The following MYO6 variants were observed in gnomAD, a reference collection of about 807,000 sequenced individuals.
The protein encoded by MYO6 is unconventional myosin-VI.
MYO6 carries 74 observed loss-of-function variants against 178.7 expected under a neutral mutation model. That is an observed-to-expected ratio of 0.41 (90% CI 0.34 to 0.50). The LOEUF is 0.50. Among genes scored for constraint, MYO6 ranks in the 20% least tolerant of loss-of-function variants. The pLI, the probability that MYO6 is intolerant of heterozygous loss-of-function variation, is 0.09. For synonymous variants in MYO6, 477 were observed against 504.6 expected (o/e 0.95, Z 0.73); for missense variants, 1,330 against 1,547.4 (o/e 0.86, Z 2.36).
intron 1 of MYO6, among the ~76,000 whole-genome samples, chr6:75,808,184 A>C (rs1770294031): frequency 6.6e-6 from 1 of 152,256 alleles, no homozygotes; most frequent in South Asian, 2.1e-4. Flanking sequence ...CTGCCGTAAT[A>C]AAATACCACA....
chr6:75,830,370 G>T (rs1197056123), intron 4 of MYO6, 46 bp from the exon 5 acceptor site: 2 of 1,554,864 alleles, frequency 1.3e-6, no homozygotes, highest in African/African-American at 1.4e-5. Context: ...ATCTTTAAAT[G>T]AAAATAGTAA....
intron 1 of MYO6, among the ~76,000 whole-genome samples, chr6:75,759,195 T>C (rs1269302751): frequency 6.6e-6 from 1 of 152,148 alleles, no homozygotes; most frequent in Non-Finnish European, 1.5e-5. Context: ...GTCATTTCTA[T>C]AGATCTTAAA....
intron 1 of MYO6, among the ~76,000 whole-genome samples, chr6:75,768,599 C>G (rs904028444): frequency 2.6e-5 from 4 of 151,952 alleles, no homozygotes; most frequent in Admixed American, 2.0e-4. Context: ...CCAGGTTGGT[C>G]TCAAACTCCT....
intron 3 of MYO6, 35 bp from the exon 4 acceptor site, chr6:75,828,505 C>A: frequency 8.2e-7 from 1 of 1,217,448 alleles, no homozygotes; most frequent in South Asian, 1.2e-5. Context: ...TTGTTTTCTT[C>A]AATTCTCTAA....
chr6:75,831,672 G>A (rs1773098214), intron 5 of MYO6, among the ~76,000 whole-genome samples: 1 of 152,036 alleles, frequency 6.6e-6, no homozygotes, highest in Non-Finnish European at 1.5e-5. Context: ...AGGGCGGATC[G>A]CTTGAGCCTG....
intron 20 of MYO6, among the ~76,000 whole-genome samples, chr6:75,877,454 A>T (rs931581792): frequency 2.6e-5 from 4 of 151,572 alleles, no homozygotes; most frequent in Non-Finnish European, 4.4e-5. Flanking sequence ...TTTAGAAGAG[A>T]CTGAATTTCA....
rs561526297 is a variant in MYO6, at chr6:75,750,375, G to A, written c.-48+952G>A. On this transcript the variant is annotated intron_variant, in intron 1 of 34. Coordinates refer to ENST00000369977, the MANE Select transcript of MYO6 (RefSeq NM_004999.4). ...CTCCCAAAGTGCTGGGATTACAGGC[G>A]TGAGCCACTGCGCCTGGCCAAATAT... Among the ~76,000 whole-genome samples the A allele has an allele frequency of 4.8e-3, 734 of 151,546 alleles. 4 individuals carry two copies. The highest frequency in any genetic ancestry group is 9.9e-3 in the South Asian group (47 of 4,768).
intron 20 of MYO6, among the ~76,000 whole-genome samples, chr6:75,876,130 AC>A (rs1240598845): frequency 6.6e-6 from 1 of 151,848 alleles, no homozygotes; most frequent in Non-Finnish European, 1.5e-5. Flanking sequence ...TTTATCTTTC[AC>A]ATCTCAGCTC....
chr6:75,904,660 G>C (rs1780120473), intron 30 of MYO6, among the ~76,000 whole-genome samples: 1 of 152,024 alleles, frequency 6.6e-6, no homozygotes, highest in Non-Finnish European at 1.5e-5. Flanking sequence ...CAACTTCTTT[G>C]CCTTTGGTTT....
At chr6:75,849,187 A>G (rs554178954) in intron 11 of MYO6, among the ~76,000 whole-genome samples, 2 of 152,296 alleles carry the variant, frequency 1.3e-5, no homozygotes, top group South Asian at 2.1e-4. Flanking sequence ...TATTGGAACA[A>G]TGCCACACCC....
At chr6:75,830,393 A>G in intron 4 of MYO6, 23 bp from the exon 5 acceptor site, 1 of 1,601,200 alleles carries the variant, frequency 6.2e-7, no homozygotes, top group Non-Finnish European at 8.6e-7. Context: ...GGAATATTTT[A>G]TGTTTATGCT....
At chr6:75,761,864 G>A (rs1303333047) in intron 1 of MYO6, among the ~76,000 whole-genome samples, 1 of 152,054 alleles carries the variant, frequency 6.6e-6, no homozygotes, top group Non-Finnish European at 1.5e-5. Context: ...GTTCGGGGTG[G>A]CAGTATATTG....
At chr6:75,770,065 C>T (rs2150017713) in intron 1 of MYO6, among the ~76,000 whole-genome samples, 1 of 152,312 alleles carries the variant, frequency 6.6e-6, no homozygotes, top group East Asian at 1.9e-4. Flanking sequence ...TCAGACCCCA[C>T]ATTTCCCTTC....
intron 6 of MYO6, among the ~76,000 whole-genome samples, chr6:75,835,155 T>G (rs1340667367): frequency 6.6e-6 from 1 of 152,206 alleles, no homozygotes; most frequent in Non-Finnish European, 1.5e-5. Context: ...ATTAATAGGC[T>G]CTCACAAAAG....
At chr6:75,914,757 G>A in intron 34 of MYO6, 56 bp from the exon 35 acceptor site, 17 of 1,533,612 alleles carry the variant, frequency 1.1e-5, no homozygotes, top group Non-Finnish European at 1.5e-5. Context: ...CATACAACTG[G>A]TAAGAAATGG....
chr6:75,822,537 C>A (rs1771999110), intron 2 of MYO6, among the ~76,000 whole-genome samples: 1 of 151,816 alleles, frequency 6.6e-6, no homozygotes, highest in African/African-American at 2.4e-5. Flanking sequence ...GTGTTGGAGC[C>A]TAGGATACTT....
intron 28 of MYO6, among the ~76,000 whole-genome samples, chr6:75,893,976 G>A (rs1779101515): frequency 6.6e-6 from 1 of 152,136 alleles, no homozygotes; most frequent in South Asian, 2.1e-4. Flanking sequence ...CTGACTAGCC[G>A]CCTAGGGCAG....
At chr6:75,883,560 A>G (rs1030277752) in intron 23 of MYO6, among the ~76,000 whole-genome samples, 2 of 152,138 alleles carry the variant, frequency 1.3e-5, no homozygotes, top group Non-Finnish European at 1.5e-5. Flanking sequence ...TGGGATTTCA[A>G]CATTTGGGAT....
At chr6:75,826,741 G>A (rs1050317565) in intron 3 of MYO6, among the ~76,000 whole-genome samples, 2 of 152,132 alleles carry the variant, frequency 1.3e-5, no homozygotes, top group South Asian at 2.1e-4. Flanking sequence ...CCATTCAGCT[G>A]TTAGGAGCCT....
Sources: allele counts gnomAD v4.1 joint callset (sites outside exome capture counted in the v4.1 genomes callset), GRCh38; gene constraint gnomAD v4.1.1; transcripts MANE v1.5; gene names NCBI Gene and HGNC (gene_info 2026-07-23, HGNC 2026-07-21).